The following SVIL variants were observed in gnomAD, a reference collection of about 807,000 sequenced individuals.
The protein encoded by SVIL is supervillin.
Under a neutral mutation model 240.4 loss-of-function variants are expected in SVIL, and 101 were observed. The observed-to-expected ratio is 0.42, with a 90% CI of 0.36 to 0.50. The LOEUF (loss-of-function observed/expected upper bound fraction) is 0.50, where lower values mean the gene tolerates loss of function less well. Among genes scored for constraint, SVIL ranks in the 20% least tolerant of loss-of-function variants. The pLI is 0.01. For synonymous variants in SVIL, 999 were observed against 1,100.0 expected (o/e 0.91, Z 1.82); for missense variants, 2,512 against 2,818.7 (o/e 0.89, Z 2.46).
chr10:29,654,429 G>T (rs866101087), intron 3 of SVIL, among the ~76,000 whole-genome samples: 4 of 152,180 alleles, frequency 2.6e-5, no homozygotes, highest in Middle Eastern at 3.4e-3. Flanking sequence ...ATAGTATGGT[G>T]AGTTCCTAAA....
intron 1 of SVIL, among the ~76,000 whole-genome samples, chr10:29,615,029 T>TCC (rs1564703394): frequency 6.6e-6 from 1 of 152,052 alleles, no homozygotes; most frequent in Admixed American, 6.6e-5. Context: ...AGTTAAGTTA[T>TCC]CCCCCCATGC....
At chr10:29,644,240 A>G (rs1958583853) in intron 3 of SVIL, among the ~76,000 whole-genome samples, 1 of 152,130 alleles carries the variant, frequency 6.6e-6, no homozygotes, top group African/African-American at 2.4e-5. Flanking sequence ...AAAGCTCAGC[A>G]CCACATGTGG....
chr10:29,489,841 C>A (rs1166062591), intron 22 of SVIL, among the ~76,000 whole-genome samples: 1 of 152,152 alleles, frequency 6.6e-6, no homozygotes, highest in Non-Finnish European at 1.5e-5. Context: ...AGCCACCATG[C>A]CCAGTCTGAA....
chr10:29,518,107 G>A (rs2368396), intron 16 of SVIL, among the ~76,000 whole-genome samples: 1 of 151,756 alleles, frequency 6.6e-6, no homozygotes, highest in Non-Finnish European at 1.5e-5. Context: ...ATTTTTTTAA[G>A]GCTGGGTGTG....
chr10:29,460,164 CA>C (rs1944074745), intron 36 of SVIL, among the ~76,000 whole-genome samples: 1 of 152,156 alleles, frequency 6.6e-6, no homozygotes, highest in African/African-American at 2.4e-5. Context: ...CACTGAAAGT[CA>C]CTTTGGCCAA....
intron 1 of SVIL, among the ~76,000 whole-genome samples, chr10:29,705,494 A>G (rs1312763377): frequency 6.6e-6 from 1 of 150,382 alleles, no homozygotes; most frequent in African/African-American, 2.4e-5. Flanking sequence ...TTTTTTTTTT[A>G]AGTTCGGGAT....
At chr10:29,545,853 C>CAAAAAAA (rs755360700) in intron 6 of SVIL, among the ~76,000 whole-genome samples, 73 of 63,512 alleles carry the variant, frequency 1.1e-3, no homozygotes, top group Non-Finnish European at 1.5e-3. Flanking sequence ...GACTCTGTCT[C>CAAAAAAA]AAAAAAAAAA....
chr10:29,596,578 G>T (rs529135116), intron 1 of SVIL, among the ~76,000 whole-genome samples: 58 of 152,280 alleles, frequency 3.8e-4, no homozygotes, highest in Non-Finnish European at 8.1e-4. Flanking sequence ...AAATGTGGGG[G>T]TGGGGGATGA....
At chr10:29,665,227 C>CA (rs58164251) in intron 2 of SVIL, among the ~76,000 whole-genome samples, 1,833 of 66,756 alleles carry the variant, frequency 0.027, 53 homozygotes, top group Non-Finnish European at 0.032. Flanking sequence ...GATCTTGTCT[C>CA]AAAAAAAAAA....
intron 3 of SVIL, among the ~76,000 whole-genome samples, chr10:29,557,491 G>T (rs1267338305): frequency 6.6e-6 from 1 of 152,110 alleles, no homozygotes; most frequent in Non-Finnish European, 1.5e-5. Flanking sequence ...ACTGGAAAAA[G>T]TTAAGATAGA....
At chr10:29,515,078 C>T (rs1950120900) in intron 16 of SVIL, among the ~76,000 whole-genome samples, 1 of 152,146 alleles carries the variant, frequency 6.6e-6, no homozygotes, top group Non-Finnish European at 1.5e-5. Flanking sequence ...TCTTCCTTCT[C>T]CCCCCTTCAT....
intron 13 of SVIL, among the ~76,000 whole-genome samples, chr10:29,525,742 G>A (rs1950855337): frequency 6.6e-6 from 1 of 152,160 alleles, no homozygotes; most frequent in Non-Finnish European, 1.5e-5. Context: ...TTCTGTCCCT[G>A]ACCGATCCAA....
At chr10:29,530,434 C>A (rs1951274884) in intron 11 of SVIL, among the ~76,000 whole-genome samples, 173 bp downstream of exon 11, 1 of 152,136 alleles carries the variant, frequency 6.6e-6, no homozygotes, top group Non-Finnish European at 1.5e-5. Context: ...CCACAAGATT[C>A]CCCCTCCCTA....
At chr10:29,670,593 A>C (rs1337147943) in intron 2 of SVIL, among the ~76,000 whole-genome samples, 2 of 152,234 alleles carry the variant, frequency 1.3e-5, no homozygotes, top group Non-Finnish European at 2.9e-5. Context: ...AATCCATATC[A>C]AAGCATTTAT....
At chr10:29,592,038 G>A (rs965929256) in intron 1 of SVIL, among the ~76,000 whole-genome samples, 12 of 152,162 alleles carry the variant, frequency 7.9e-5, no homozygotes, top group Admixed American at 3.3e-4. Flanking sequence ...ATCACTTGAG[G>A]TCAGGAGTTC....
chr10:29,618,788 G>A (rs925066408), intron 1 of SVIL, among the ~76,000 whole-genome samples: 9 of 151,636 alleles, frequency 5.9e-5, no homozygotes, highest in African/African-American at 2.2e-4. Flanking sequence ...GGCGCAATCA[G>A]AGCTCACTGT....
rs764435020 is a variant in SVIL, at chr10:29,550,887, G to T, written c.537C>A (p.Ala179=). The T allele has an allele frequency of 3.1e-6, 5 of 1,613,966 alleles. No individual in the cohort carries two copies. In the South Asian group the frequency reaches 4.4e-5, roughly 14 times the overall value. ...GGAGGGCATAGTCCTTGGATTCACCGGCACAGGTCCTGAGCCCCATCGTCT... is the reference window on the plus strand; with the variant it reads ...GGAGGGCATAGTCCTTGGATTCACCTGCACAGGTCCTGAGCCCCATCGTCT... The part of the protein sequence containing the change: ...GTETMGLRTC[A]GESKDYALHV... The change falls in exon 6 of 38, where the codon GCC becomes GCA. Residue 179 remains alanine, a synonymous_variant. Coordinates refer to ENST00000355867, the MANE Select transcript of SVIL (RefSeq NM_021738.3).
chr10:29,721,888 G>A (rs1187940524), intron 1 of SVIL, among the ~76,000 whole-genome samples: 1 of 152,142 alleles, frequency 6.6e-6, no homozygotes, highest in Non-Finnish European at 1.5e-5. Flanking sequence ...ATTTTGTCTG[G>A]CTTGCAGGCT....
intron 1 of SVIL, among the ~76,000 whole-genome samples, chr10:29,585,819 G>C (rs537826972): frequency 6.6e-6 from 1 of 152,240 alleles, no homozygotes; most frequent in African/African-American, 2.4e-5. Flanking sequence ...CGCGGTTCGC[G>C]TCTGTCTTCC....
Sources: allele counts gnomAD v4.1 joint callset (sites outside exome capture counted in the v4.1 genomes callset), GRCh38; gene constraint gnomAD v4.1.1; transcripts MANE v1.5; gene names NCBI Gene and HGNC (gene_info 2026-07-23, HGNC 2026-07-21).